The following PRKCSH variants were observed in gnomAD, a reference collection of about 807,000 sequenced individuals.
PRKCSH encodes glucosidase 2 subunit beta.
In PRKCSH, 42 loss-of-function variants were observed where a neutral mutation model predicts 79.7. That is an observed-to-expected ratio of 0.53 (90% confidence interval 0.41 to 0.68). PRKCSH has a LOEUF of 0.68. Among genes scored for constraint, PRKCSH ranks in the 30% least tolerant of loss-of-function variants. The pLI is 0.00. For synonymous variants in PRKCSH, 325 were observed against 288.2 expected, an observed-to-expected ratio of 1.13 and a Z score of -1.29; for missense variants, 686 against 709.0, an observed-to-expected ratio of 0.97 and a Z score of 0.37.
intron 8 of PRKCSH, chr19:11,445,975 C>T: frequency 1.8e-6 from 1 of 551,744 alleles, no homozygotes; most frequent in East Asian, 3.1e-5. Context: ...CAGATGGCAG[C>T]TTCAATGTGC....
chr19:11,440,821 G>GT (rs534683840), intron 5 of PRKCSH, among the ~76,000 whole-genome samples: 1 of 151,960 alleles, frequency 6.6e-6, no homozygotes, highest in Non-Finnish European at 1.5e-5. Flanking sequence ...GTCTTCTGTG[G>GT]TTTTTTTATT....
At chr19:11,443,211 G>A (rs1396541909) in intron 7 of PRKCSH, among the ~76,000 whole-genome samples, 1 of 151,530 alleles carries the variant, frequency 6.6e-6, no homozygotes, top group Non-Finnish European at 1.5e-5. Context: ...TCAGGAGTTC[G>A]AGACCACCCT....
intron 7 of PRKCSH, among the ~76,000 whole-genome samples, 165 bp from the exon 8 acceptor site, chr19:11,445,224 C>T (rs1314614955): frequency 1.3e-5 from 2 of 152,204 alleles, no homozygotes; most frequent in East Asian, 3.9e-4. Flanking sequence ...GTCTGTTCTC[C>T]CCTGGTAAGG....
At chr19:11,450,254 C>G (rs1048608164) in intron 17 of PRKCSH, among the ~76,000 whole-genome samples, 1 of 151,138 alleles carries the variant, frequency 6.6e-6, no homozygotes, top group Non-Finnish European at 1.5e-5. Context: ...GGGCGGATCA[C>G]TTGAGGTCAG....
At position 11,447,718 on chromosome 19, in the gene PRKCSH, C is replaced by T. The variant is rs201537803; in HGVS notation, c.1055C>T (p.Pro352Leu). The T allele has an allele frequency of 4.7e-4, 744 of 1,588,382 alleles. 6 individuals carry two copies. The highest frequency in any genetic ancestry group is 4.1e-3 in the South Asian group (359 of 87,304). Residue 352 changes from proline to leucine, a missense_variant, in exon 12 of 18, where the codon CCG becomes CTG. Pro to Leu is a moderately conservative substitution (Grantham distance 98, BLOSUM62 -3). Transcript: ENST00000677123. This position sits in a 1 kb window ranked among gnomAD's most constrained non-coding sequence, Gnocchi z 5.6. ...PKEAPPPLSP[P>L]QPASPAEEDK... is the part of the protein sequence containing the mutation. ...GAGGCCCCACCGCCACTGTCACCCC[C>T]GCAGCCGGCCAGCCCTGCTGAGGAA...
chr19:11,447,706 C>A lies in PRKCSH; in HGVS notation c.1043C>A (p.Pro348Gln), dbSNP rs778800074. The A allele has an allele frequency of 6.3e-7, 1 of 1,582,916 alleles. No individual in the cohort carries two copies. The highest frequency in any genetic ancestry group is 2.3e-5 in the East Asian group (1 of 43,756). Residue 348 changes from proline (P) to glutamine (Q), a missense_variant, in exon 12 of 18, where the codon CCA (proline) becomes CAA (glutamine). Pro to Gln is a moderately conservative substitution (Grantham distance 76). This residue lies in a region of PRKCSH where 549 missense variants were observed against 520.2 expected (regional missense o/e 1.06). Coordinates refer to ENST00000677123, the MANE Select transcript of PRKCSH (RefSeq NM_001289104.2). The surrounding 1 kb of genome is among the most constrained non-coding windows in gnomAD (Gnocchi z 5.6). ...QGEQPKEAPP[P>Q]LSPPQPASPA... is the part of the protein sequence containing the mutation. Reference sequence around the variant, plus strand: ...CCCCTGCCCCAGGAGGCCCCACCGCCACTGTCACCCCCGCAGCCGGCCAGC... The same window carrying A: ...CCCCTGCCCCAGGAGGCCCCACCGCAACTGTCACCCCCGCAGCCGGCCAGC...
At chr19:11,439,648 A>G (rs1969961782) in intron 5 of PRKCSH, among the ~76,000 whole-genome samples, 1 of 111,712 alleles carries the variant, frequency 9.0e-6, no homozygotes, top group African/African-American at 3.7e-5. Flanking sequence ...ACAGAGTCTC[A>G]CTCTGTTGCC....
intron 7 of PRKCSH, among the ~76,000 whole-genome samples, chr19:11,444,968 C>T (rs1722668607): frequency 6.6e-6 from 1 of 152,156 alleles, no homozygotes; most frequent in Non-Finnish European, 1.5e-5. Context: ...ATCTGCGTCT[C>T]CCCAGAATCT....
intron 7 of PRKCSH, among the ~76,000 whole-genome samples, chr19:11,443,082 C>A (rs989535491): frequency 8.5e-5 from 13 of 152,104 alleles, no homozygotes; most frequent in Admixed American, 7.9e-4. Flanking sequence ...ACCATTTTTC[C>A]TATCAGGTGT....
chr19:11,445,326 G>T lies in PRKCSH; in HGVS notation c.599-63G>T, dbSNP rs575470969. ...GCGCTTGGTGGCAAACGACCCTGTGGGGTGCGGGGGCTGATGGGAGCCGGT... is the reference window on the plus strand; with the variant it reads ...GCGCTTGGTGGCAAACGACCCTGTGTGGTGCGGGGGCTGATGGGAGCCGGT... On this transcript the variant is annotated intron_variant, in intron 7 of 17. Coordinates refer to ENST00000677123, the MANE Select transcript of PRKCSH (RefSeq NM_001289104.2). 97 of 1,538,994 alleles carry T rather than the reference G, an allele frequency of 6.3e-5. 1 individual carries two copies. The South Asian group carries it at 1.1e-3, about 17-fold the overall frequency.
At position 11,441,309 on chromosome 19, in the gene PRKCSH, G is replaced by C. The variant is rs1168052099; in HGVS notation, c.420G>C (p.Leu140=). Residue 140 remains leucine (L), a synonymous_variant, in exon 6 of 18, where the codon CTG becomes CTC. Transcript: ENST00000677123. ...AGGTCACCCGCGAAGGGTTCCGTCT[G>C]AAGAAGATCCTTATTGAGGACTGGA... is the stretch of plus-strand genomic sequence containing the variant. ...MAEVTREGFR[L]KKILIEDWKK... is the part of the protein sequence containing the mutation. 1 of 1,614,138 alleles carries C rather than the reference G, an allele frequency of 6.2e-7. No individual in the cohort carries two copies. The highest frequency in any genetic ancestry group is 8.5e-7 in the Non-Finnish European group (1 of 1,179,980).
intron 3 of PRKCSH, 158 bp downstream of exon 3, chr19:11,436,663 G>A: frequency 1.4e-6 from 1 of 694,060 alleles, no homozygotes; most frequent in Non-Finnish European, 2.5e-6. Context: ...CCGGGCAGCT[G>A]GAGGAGCCCA....
chr19:11,441,634 G>A (rs1352433197), intron 6 of PRKCSH, among the ~76,000 whole-genome samples: 1 of 152,140 alleles, frequency 6.6e-6, no homozygotes, highest in Non-Finnish European at 1.5e-5. Flanking sequence ...GGGATGGGAG[G>A]GTTGCTTCTC....
chr19:11,445,796 A>G (rs1191956333), intron 8 of PRKCSH: 1 of 475,780 alleles, frequency 2.1e-6, no homozygotes, highest in Non-Finnish European at 3.9e-6. Context: ...CTGGGTTCGA[A>G]TCCTGGCTGT....
chr19:11,447,936 C>T lies in PRKCSH; in HGVS notation c.1126+147C>T. On this transcript the variant is annotated intron_variant, in intron 12 of 17. Coordinates refer to ENST00000677123, the MANE Select transcript of PRKCSH (RefSeq NM_001289104.2). This position sits in a 1 kb window ranked among gnomAD's most constrained non-coding sequence, Gnocchi z 5.6. ...ATCTTGGGGAGTCCAGGAAGGGGGC[C>T]TAGGGTAAGCCAGTCCCACCCTCGC... is the stretch of plus-strand genomic sequence containing the variant. 9.7e-7 allele frequency: 1 copy of T among 1,027,074 alleles called. No homozygotes were observed. The highest frequency in any genetic ancestry group is 1.4e-6 in the Non-Finnish European group (1 of 719,642). 63.6% of individuals were successfully genotyped at this position (1,027,074 alleles called of 1,614,324 possible).
At position 11,439,482 on chromosome 19, in the gene PRKCSH, A is replaced by G. The variant is rs776005860; in HGVS notation, c.350+1358A>G. On this transcript the variant is annotated intron_variant, in intron 5 of 17. Coordinates refer to ENST00000677123, the MANE Select transcript of PRKCSH (RefSeq NM_001289104.2). ...TAATTTAAAAAATTACTGGTTGGGC[A>G]TGTGGCTCACACCTGTAATCCCAGC... 8.6e-5 allele frequency among the ~76,000 whole-genome samples: 13 copies of G among 150,542 alleles called. No homozygotes were observed. The South Asian group carries it at 1.9e-3, about 22-fold the overall frequency.
chr19:11,436,294 C>A, intron 2 of PRKCSH, 95 bp from the exon 3 acceptor site: 1 of 1,579,982 alleles, frequency 6.3e-7, no homozygotes, highest in Non-Finnish European at 8.7e-7. Context: ...CTCAGTTTCC[C>A]GGTAGTGCTC....
Position 11,449,548 on chromosome 19 carries a change from GT to G in PRKCSH, c.*16+124del, listed in dbSNP as rs1970494243. On this transcript the variant is annotated intron_variant, in intron 17 of 17. Transcript: ENST00000677123. This position sits in a 1 kb window ranked among gnomAD's most constrained non-coding sequence, Gnocchi z 6.4. ...GTGTCCCCATGTTCCCTGCTTTTTT[GT>G]TTTGTTTTTTTGAGGTGGAGTCTCA... 7.1e-7 allele frequency: 1 copy of G among 1,417,010 alleles called. No homozygotes were observed. Among genetic ancestry groups the G allele is most frequent in the African/African-American group, 1.4e-5 (1 of 70,224 alleles). The allele number at this position is 1,417,010 out of a possible 1,614,324, so 87.8% of individuals were successfully genotyped here.
intron 5 of PRKCSH, among the ~76,000 whole-genome samples, chr19:11,439,058 C>T (rs555793482): frequency 2.0e-5 from 3 of 152,122 alleles, no homozygotes; most frequent in African/African-American, 7.2e-5. Context: ...CAGGCGTACC[C>T]CCACCACGCC....
Sources: gnomAD v4.1 joint callset for allele counts (sites outside exome capture counted in the v4.1 genomes callset) on GRCh38, gnomAD v4.1.1 for gene constraint, gnomAD v4.1.1 regional missense constraint, Gnocchi (gnomAD v3.1) non-coding constraint, MANE v1.5 for transcripts, NCBI Gene and HGNC (gene_info 2026-07-23, HGNC 2026-07-21) for gene names.